TBC1D1: variants seen among roughly 807,000 people sequenced by gnomAD.
TBC1D1 encodes the protein TBC1 domain family member 1, also known as TBC1 (tre-2/USP6, BUB2, cdc16) domain family, member 1.
In TBC1D1, 89 loss-of-function variants were observed where a neutral mutation model predicts 125.6. The observed-to-expected ratio is 0.71, with a 90% CI of 0.60 to 0.85. The LOEUF is 0.85. TBC1D1 is among the 40% of genes least tolerant of loss of function. The probability of loss-of-function intolerance (pLI) is 0.00; values close to 1 mark genes in which losing one functional copy is unlikely to be tolerated. For synonymous variants in TBC1D1, 565 were observed against 564.1 expected (o/e 1.00, Z -0.02); for missense variants, 1,377 against 1,469.2 (o/e 0.94, Z 1.03).
chr4:38,090,213 A>G (rs1758199175), intron 13 of TBC1D1, 96 bp downstream of exon 15: 3 of 1,178,182 alleles, frequency 2.5e-6, no homozygotes, highest in South Asian at 1.3e-5. Flanking sequence ...AAAATACAGC[A>G]GCACGATAGT....
chr4:37,900,611 G>C (rs1715755680), intron 1 of TBC1D1, among the ~76,000 whole-genome samples: 1 of 152,088 alleles, frequency 6.6e-6, no homozygotes, highest in African/African-American at 2.4e-5. Context: ...ATATGCTAGG[G>C]GAGTGGGGCA....
intron 15 of TBC1D1, among the ~76,000 whole-genome samples, chr4:38,106,092 C>A (rs767577330): frequency 1.3e-5 from 2 of 152,138 alleles, no homozygotes; most frequent in Admixed American, 6.5e-5. Context: ...CAGCCCTCTG[C>A]GGACTGGGCT....
chr4:38,103,726 C>T (rs929103336), intron 15 of TBC1D1, among the ~76,000 whole-genome samples: 2 of 152,062 alleles, frequency 1.3e-5, no homozygotes, highest in Non-Finnish European at 2.9e-5. Flanking sequence ...GGGGACTCAA[C>T]CAACCTCAGA....
At chr4:37,945,901 A>G (rs1382720137) in intron 2 of TBC1D1, among the ~76,000 whole-genome samples, 1 of 152,246 alleles carries the variant, frequency 6.6e-6, no homozygotes, top group African/African-American at 2.4e-5. Context: ...CAGCCAAAAT[A>G]GAAGTCAGCT....
intron 1 of TBC1D1, among the ~76,000 whole-genome samples, chr4:37,894,854 T>C (rs983014169): frequency 6.6e-6 from 1 of 152,168 alleles, no homozygotes; most frequent in African/African-American, 2.4e-5. Flanking sequence ...TATGGGATCT[T>C]TGGATATCAT....
chr4:38,038,517 GA>G (rs1412706426), intron 8 of TBC1D1, among the ~76,000 whole-genome samples: 3 of 152,058 alleles, frequency 2.0e-5, no homozygotes, highest in African/African-American at 7.2e-5. Context: ...TCATTAACTA[GA>G]ATTTAGTGTT....
chr4:38,024,178 C>G (rs934866045), intron 6 of TBC1D1, among the ~76,000 whole-genome samples: 3 of 152,188 alleles, frequency 2.0e-5, no homozygotes, highest in Non-Finnish European at 4.4e-5. Context: ...CACGTTGTTA[C>G]TATTTGCTGA....
At chr4:37,945,189 C>T (rs1452609554) in intron 2 of TBC1D1, among the ~76,000 whole-genome samples, 2 of 152,074 alleles carry the variant, frequency 1.3e-5, no homozygotes, top group African/African-American at 2.4e-5. Flanking sequence ...AGTATAAGGT[C>T]TCAAGCTGGT....
At chr4:38,103,802 ACTAT>A (rs1347285712) in intron 15 of TBC1D1, among the ~76,000 whole-genome samples, 2 of 152,202 alleles carry the variant, frequency 1.3e-5, no homozygotes, top group Admixed American at 6.5e-5. Flanking sequence ...AAATATAGTA[ACTAT>A]CTATGTAGAA....
chr4:38,125,187 T>A, intron 18 of TBC1D1, 56 bp downstream of exon 20: 1 of 1,546,990 alleles, frequency 6.5e-7, no homozygotes, highest in South Asian at 1.1e-5. Context: ...ATGTAGAAAC[T>A]TAAATCTCTC....
At chr4:38,038,064 A>G (rs963264130) in intron 8 of TBC1D1, among the ~76,000 whole-genome samples, 12 of 152,200 alleles carry the variant, frequency 7.9e-5, no homozygotes, top group African/African-American at 2.9e-4. Context: ...CATTCATTCT[A>G]CAAGTTTTTT....
At chr4:38,136,354 TA>T (rs373835993) in intron 19 of TBC1D1, among the ~76,000 whole-genome samples, 55 of 152,310 alleles carry the variant, frequency 3.6e-4, no homozygotes, top group Middle Eastern at 3.4e-3. Context: ...CCATGGCTCG[TA>T]GTGAACAGTC....
intron 2 of TBC1D1, among the ~76,000 whole-genome samples, chr4:37,937,450 A>T (rs1253010110): frequency 6.6e-6 from 1 of 151,942 alleles, no homozygotes; most frequent in Non-Finnish European, 1.5e-5. Context: ...ATGTAAATCC[A>T]CTCTCTACTT....
intron 2 of TBC1D1, among the ~76,000 whole-genome samples, chr4:37,999,104 T>G (rs1259963898): frequency 6.6e-6 from 1 of 151,840 alleles, no homozygotes; most frequent in Non-Finnish European, 1.5e-5. Context: ...CAAAAATTAG[T>G]CGGGTGTGGT....
At chr4:38,104,612 C>T (rs553188148) in intron 15 of TBC1D1, among the ~76,000 whole-genome samples, 1 of 152,314 alleles carries the variant, frequency 6.6e-6, no homozygotes, top group South Asian at 2.1e-4. Context: ...CTTTGGGGCC[C>T]TGCGGTGGCC....
At chr4:37,947,513 T>C (rs1365815050) in intron 2 of TBC1D1, among the ~76,000 whole-genome samples, 3 of 152,024 alleles carry the variant, frequency 2.0e-5, no homozygotes, top group African/African-American at 4.8e-5. Context: ...CAGGCTGGAG[T>C]ATAGTCGTGC....
Position 38,115,966 on chromosome 4 carries a change from TC to T in TBC1D1, c.2802+14del. ...TGATTATTTTACAGGTATAGAGTGT[TC>T]CTTATGTCTTTAATACAACAAAATG... On this transcript the variant is annotated intron_variant, in intron 16 of 19. Transcript: ENST00000261439. 1 of 1,611,114 alleles carries T rather than the reference TC, an allele frequency of 6.2e-7. No homozygotes were observed. The highest frequency in any genetic ancestry group is 8.5e-7 in the Non-Finnish European group (1 of 1,177,912).
intron 2 of TBC1D1, among the ~76,000 whole-genome samples, chr4:37,948,487 C>T (rs1482727215): frequency 2.6e-5 from 4 of 151,974 alleles, no homozygotes; most frequent in Admixed American, 6.6e-5. Flanking sequence ...ATTTGCTGAG[C>T]GTGGTGGCGC....
At chr4:38,021,501 C>A (rs753287183) in intron 5 of TBC1D1, 85 bp from the exon 6 acceptor site, 23 of 1,298,012 alleles carry the variant, frequency 1.8e-5, no homozygotes, top group Admixed American at 3.4e-5. Flanking sequence ...CTTAAAAAAT[C>A]TTTTCCAAAG....
Sources: allele counts gnomAD v4.1 joint callset (sites outside exome capture counted in the v4.1 genomes callset), GRCh38; gene constraint gnomAD v4.1.1; transcripts MANE v1.5; gene names NCBI Gene and HGNC (gene_info 2026-07-23, HGNC 2026-07-21).